Variants in DGKB observed in about 807,000 individuals in gnomAD.
DGKB encodes 90 kDa diacylglycerol kinase.
In DGKB, 67 loss-of-function variants were observed where a neutral mutation model predicts 114.3. The observed-to-expected ratio is 0.59, with a 90% confidence interval of 0.48 to 0.72. The LOEUF (loss-of-function observed/expected upper bound fraction) is 0.72. DGKB is among the 30% of genes least tolerant of loss of function. The pLI, the probability that DGKB is intolerant of heterozygous loss-of-function variation, is 0.00. For synonymous variants in DGKB, 398 were observed against 323.1 expected (o/e 1.23, Z -2.49); for missense variants, 907 against 975.2 (o/e 0.93, Z 0.93).
At chr7:14,641,838 T>C (rs535116921) in intron 13 of DGKB, among the ~76,000 whole-genome samples, 2 of 152,268 alleles carry the variant, frequency 1.3e-5, no homozygotes, top group South Asian at 4.1e-4. Flanking sequence ...ATAATGTTTA[T>C]GTACATTTAT....
rs1194671100 is a variant in DGKB at position 14,212,226 on chromosome 7, CAT to C, written c.2123-34077_2123-34076del. Among the ~76,000 whole-genome samples the C allele has an allele frequency of 7.4e-3, 70 of 9,420 alleles. 15 individuals are homozygous for C. The highest frequency in any genetic ancestry group is 0.013 in the South Asian group (3 of 238). The allele number at this position is 9,420 out of a possible 152,430, so 6.2% of individuals were successfully genotyped here. The stretch of plus-strand genomic sequence containing the variant: ...CTCTCGTGTTTTGTGATTTTACTCT[CAT>C]GTTTTGTGATTTTACTCTCATGTTT... On this transcript the variant is annotated intron_variant, in intron 23 of 25. Coordinates refer to ENST00000402815, the MANE Select transcript of DGKB (RefSeq NM_001350709.2).
chr7:14,291,142 CAAAA>C (rs373171858), intron 23 of DGKB, among the ~76,000 whole-genome samples: 2 of 86,332 alleles, frequency 2.3e-5, no homozygotes, highest in Admixed American at 1.5e-4. Context: ...AACTCCGTCT[CAAAA>C]AAAAAAAAAA....
chr7:14,463,396 T>C (rs1358408529), intron 21 of DGKB, among the ~76,000 whole-genome samples: 1 of 152,194 alleles, frequency 6.6e-6, no homozygotes, highest in Non-Finnish European at 1.5e-5. Flanking sequence ...CAAAGTCATT[T>C]GTAAAACTTC....
intron 6 of DGKB, among the ~76,000 whole-genome samples, chr7:14,706,142 C>T (rs1186207568): frequency 7.3e-6 from 1 of 137,114 alleles, no homozygotes; most frequent in African/African-American, 2.8e-5. Flanking sequence ...AAATGGAAAA[C>T]AAAAAAAGGC....
At chr7:14,228,078 C>G (rs17167984) in intron 23 of DGKB, among the ~76,000 whole-genome samples, 9,301 of 152,046 alleles carry the variant, frequency 0.061, 948 homozygotes, top group African/African-American at 0.21. Flanking sequence ...ATTCCAGAAT[C>G]ATGGAGAATT....
At chr7:14,670,550 C>T (rs751490483) in intron 13 of DGKB, among the ~76,000 whole-genome samples, 3 of 151,974 alleles carry the variant, frequency 2.0e-5, no homozygotes, top group Non-Finnish European at 2.9e-5. Flanking sequence ...AGTGATCCAC[C>T]CACCTCGACC....
intron 1 of DGKB, among the ~76,000 whole-genome samples, chr7:14,960,108 C>A (rs895490137): frequency 1.4e-5 from 2 of 146,830 alleles, no homozygotes; most frequent in African/African-American, 4.9e-5. Context: ...TGGAAGACAA[C>A]TGCGAAGTTA....
At position 14,432,701 on chromosome 7, in the gene DGKB, T is replaced by C. The variant is rs185446824; in HGVS notation, c.1835+45460A>G. Among the ~76,000 whole-genome samples the C allele has an allele frequency of 1.2e-4, 19 of 152,312 alleles. No homozygotes were observed. In the East Asian group the frequency reaches 2.9e-3, roughly 23 times the overall value. ...ATCCCAAAAGGAGAACAATTTGAGATGTGGTTTCCATGTTGGCCTTCATCC... is the reference window on the plus strand; with the variant it reads ...ATCCCAAAAGGAGAACAATTTGAGACGTGGTTTCCATGTTGGCCTTCATCC... On this transcript the variant is annotated intron_variant, in intron 21 of 25. Coordinates refer to ENST00000402815, the MANE Select transcript of DGKB (RefSeq NM_001350709.2).
intron 25 of DGKB, among the ~76,000 whole-genome samples, chr7:14,158,163 C>G (rs1361119690): frequency 6.6e-6 from 1 of 152,206 alleles, no homozygotes; most frequent in African/African-American, 2.4e-5. Context: ...CTATGCATGT[C>G]ATATACATGC....
chr7:14,620,858 G>C (rs1404440325), intron 15 of DGKB, among the ~76,000 whole-genome samples: 9 of 151,522 alleles, frequency 5.9e-5, no homozygotes, highest in Admixed American at 5.9e-4. Flanking sequence ...TATATTTGAG[G>C]TTTAAATTTT....
chr7:14,459,942 A>G (rs187084911), intron 21 of DGKB, among the ~76,000 whole-genome samples: 1 of 152,246 alleles, frequency 6.6e-6, no homozygotes, highest in Non-Finnish European at 1.5e-5. Context: ...GGGGCCAATA[A>G]TCAACATTCT....
intron 17 of DGKB, among the ~76,000 whole-genome samples, chr7:14,599,521 A>G (rs1415201087): frequency 1.3e-5 from 2 of 152,234 alleles, no homozygotes; most frequent in Non-Finnish European, 2.9e-5. Flanking sequence ...TCATCTTCAC[A>G]TCTATACTCA....
intron 2 of DGKB, among the ~76,000 whole-genome samples, chr7:14,818,481 C>T (rs1844472462): frequency 6.6e-6 from 1 of 152,132 alleles, no homozygotes; most frequent in African/African-American, 2.4e-5. Context: ...AGAAACAGCC[C>T]ACTATACTTC....
Position 14,338,559 on chromosome 7 carries a change from C to T in DGKB, c.2078G>A (p.Arg693Lys). ...CTCTTTGGCATCTGTGACGGTGGTC[C>T]TTTTGTCAGACCCTTTTTTCTCTAT... ...RRIEKKGSDK[R>K]TTVTDAKELK... is the part of the protein sequence containing the mutation. The change falls in exon 23 of 26, where the codon AGG (arginine) becomes AAG (lysine). Residue 693 changes from arginine to lysine, a missense_variant. Physicochemically the swap from Arg to Lys is conservative, Grantham distance 26. This residue lies in a region of DGKB where 814 missense variants were observed against 856.6 expected (regional missense o/e 0.95). Transcript: ENST00000402815. 6.2e-7 allele frequency: 1 copy of T among 1,600,372 alleles called. No individual in the cohort carries two copies. Among genetic ancestry groups the T allele is most frequent in the Non-Finnish European group, 8.5e-7 (1 of 1,173,874 alleles).
chr7:14,629,371 T>G (rs1322885479), intron 14 of DGKB, among the ~76,000 whole-genome samples: 1 of 151,076 alleles, frequency 6.6e-6, no homozygotes, highest in East Asian at 1.9e-4. Context: ...AAATGAGAAC[T>G]TTTTTTTTAA....
intron 23 of DGKB, among the ~76,000 whole-genome samples, chr7:14,301,965 A>G (rs1336805183): frequency 1.3e-5 from 2 of 152,094 alleles, no homozygotes; most frequent in African/African-American, 4.8e-5. Context: ...GCAATAAAAG[A>G]AAATCAGAAT....
At chr7:14,205,777 T>C (rs757366041) in intron 23 of DGKB, among the ~76,000 whole-genome samples, 1 of 151,990 alleles carries the variant, frequency 6.6e-6, no homozygotes, top group Non-Finnish European at 1.5e-5. Flanking sequence ...TTCTATGTTG[T>C]ACTCTGCAAA....
At chr7:14,796,471 G>A (rs1841420335) in intron 2 of DGKB, among the ~76,000 whole-genome samples, 1 of 152,056 alleles carries the variant, frequency 6.6e-6, no homozygotes. Context: ...TAAACAAGTG[G>A]GATAGAGATA....
intron 1 of DGKB, among the ~76,000 whole-genome samples, chr7:14,968,695 C>T (rs1043396081): frequency 2.6e-5 from 4 of 152,128 alleles, no homozygotes; most frequent in Non-Finnish European, 5.9e-5. Flanking sequence ...TTCCCAGTGA[C>T]TAAATTCAGG....
Sources: gnomAD v4.1 joint callset for allele counts (sites outside exome capture counted in the v4.1 genomes callset) on GRCh38, gnomAD v4.1.1 for gene constraint, gnomAD v4.1.1 regional missense constraint, MANE v1.5 for transcripts, NCBI Gene and HGNC (gene_info 2026-07-23, HGNC 2026-07-21) for gene names.